C3orf52: variants seen among roughly 807,000 people sequenced by gnomAD.
C3orf52 encodes the protein chromosome 3 open reading frame 52, also known as TPA-induced transmembrane protein.
C3orf52 carries 22 observed loss-of-function variants against 24.8 expected under a neutral mutation model. The ratio of observed to expected loss-of-function variants is 0.89; its 90% CI spans 0.63 to 1.27. The LOEUF (loss-of-function observed/expected upper bound fraction) is 1.27, where lower values mean the gene tolerates loss of function less well. Among genes scored for constraint, C3orf52 ranks in the 50% most tolerant of loss-of-function variants. The pLI, the probability that C3orf52 is intolerant of heterozygous loss-of-function variation, is 0.00. For synonymous variants in C3orf52, 93 were observed against 100.2 expected, an observed-to-expected ratio of 0.93 and a Z score of 0.43; for missense variants, 265 against 260.7, an observed-to-expected ratio of 1.02 and a Z score of -0.11.
intron 1 of C3orf52, among the ~76,000 whole-genome samples, chr3:112,089,279 AC>A (rs1327399131): frequency 6.6e-6 from 1 of 152,190 alleles, no homozygotes; most frequent in Non-Finnish European, 1.5e-5. Flanking sequence ...TAATCCCAGC[AC>A]TTTGGGAGGC....
At chr3:112,116,573 T>A in intron 5 of C3orf52, 69 bp from the exon 6 acceptor site, 2 of 1,326,658 alleles carry the variant, frequency 1.5e-6, no homozygotes, top group Non-Finnish European at 2.0e-6. Flanking sequence ...TGAAATGAAA[T>A]GAAAACGTAA....
chr3:112,087,726 T>C (rs916783193), intron 1 of C3orf52, among the ~76,000 whole-genome samples: 2 of 152,206 alleles, frequency 1.3e-5, no homozygotes, highest in African/African-American at 4.8e-5. Context: ...TGGTCACCAG[T>C]GCAAGTGGCC....
At position 112,116,960 on chromosome 3, in the gene C3orf52, G is replaced by A. The variant is rs753836991; in HGVS notation, c.*314G>A. ...ATTCTGTTTGTTTTTGTTTTGTTTC[G>A]TTTTGTTTTTTGAGACAGGGTCTCG... On this transcript the variant is annotated 3_prime_UTR_variant, in exon 6 of 6. Coordinates refer to ENST00000264848, the MANE Select transcript of C3orf52 (RefSeq NM_024616.3). 92 of 1,526,062 alleles carry A rather than the reference G, an allele frequency of 6.0e-5. No homozygotes were observed. In the Middle Eastern group the frequency reaches 7.2e-4, roughly 12 times the overall value. The allele number at this position is 1,526,062 out of a possible 1,614,324, so 94.5% of individuals were successfully genotyped here.
intron 4 of C3orf52, among the ~76,000 whole-genome samples, chr3:112,111,040 G>A (rs1209239429): frequency 6.6e-6 from 1 of 152,108 alleles, no homozygotes; most frequent in Admixed American, 6.5e-5. Flanking sequence ...GAAACCCCAT[G>A]TCTACTAAAA....
At chr3:112,116,136 A>G (rs1446882390) in intron 5 of C3orf52, among the ~76,000 whole-genome samples, 1 of 152,126 alleles carries the variant, frequency 6.6e-6, no homozygotes, top group Non-Finnish European at 1.5e-5. Context: ...AGAATAGTGA[A>G]TCTTGTCAGT....
rs1312077479 is a variant in C3orf52 at position 112,086,455 on chromosome 3, G to C, written c.48G>C (p.Ser16=). 2 of 1,551,440 alleles carry C rather than the reference G, an allele frequency of 1.3e-6. No individual in the cohort carries two copies. Among genetic ancestry groups the C allele is most frequent in the South Asian group, 2.4e-5 (2 of 84,028 alleles). ...PSQPVDELEL[S]VLERQPEENT... ...AGCCAGTAGACGAGCTGGAGCTCTC[G>C]GTGCTCGAGCGGCAGCCAGAAGAGA... Residue 16 remains serine, a synonymous_variant, in exon 1 of 6, where the codon TCG becomes TCC. Coordinates refer to ENST00000264848, the MANE Select transcript of C3orf52 (RefSeq NM_024616.3).
At chr3:112,087,042 A>G (rs1014024592) in intron 1 of C3orf52, among the ~76,000 whole-genome samples, 7 of 151,680 alleles carry the variant, frequency 4.6e-5, no homozygotes, top group Admixed American at 3.3e-4. Flanking sequence ...ACCATCCGCC[A>G]AGCACTTTCT....
intron 5 of C3orf52, among the ~76,000 whole-genome samples, chr3:112,115,111 A>G (rs925752828): frequency 1.3e-5 from 2 of 152,206 alleles, no homozygotes; most frequent in African/African-American, 4.8e-5. Context: ...CTGACGGGAC[A>G]TGCTGAGAAA....
chr3:112,099,762 A>C (rs531752717), intron 2 of C3orf52, among the ~76,000 whole-genome samples: 1 of 151,946 alleles, frequency 6.6e-6, no homozygotes, highest in East Asian at 1.9e-4. Flanking sequence ...AACCTTTTTG[A>C]TTTCTTCTTT....
intron 1 of C3orf52, among the ~76,000 whole-genome samples, chr3:112,090,779 A>T (rs1026132259): frequency 1.3e-5 from 2 of 152,224 alleles, no homozygotes; most frequent in African/African-American, 4.8e-5. Flanking sequence ...TCTATGGCTC[A>T]TTTGAAACTA....
chr3:112,113,072 A>G lies in C3orf52; in HGVS notation c.576A>G (p.Leu192=), dbSNP rs752466909. The G allele has an allele frequency of 9.9e-6, 16 of 1,611,034 alleles. No homozygotes were observed. Among genetic ancestry groups the G allele is most frequent in the African/African-American group, 1.3e-5 (1 of 74,976 alleles). Residue 192 remains leucine (L), a synonymous_variant, in exon 5 of 6, where the codon CTA becomes CTG. Transcript: ENST00000264848. The stretch of plus-strand genomic sequence containing the variant: ...AGGAGTTGGTGCTGGGCATTTTGCT[A>G]CAGGATTTCCGTGATCAGAATATAC... ...MSEELVLGIL[L]QDFRDQNIPG... is the part of the protein sequence containing the mutation.
At chr3:112,093,097 G>C (rs1417174155) in intron 1 of C3orf52, among the ~76,000 whole-genome samples, 1 of 152,104 alleles carries the variant, frequency 6.6e-6, no homozygotes, top group East Asian at 1.9e-4. Context: ...TCTTTCCTGG[G>C]TTTGGAATGC....
At chr3:112,122,632 T>A (rs1172421326), downstream of C3orf52, 1 of 152,180 alleles carries the variant, frequency 6.6e-6, no homozygotes, top group African/African-American at 2.4e-5. Flanking sequence ...GCTTTCTATT[T>A]AGCATACTGG....
chr3:112,086,603 G>T lies in C3orf52; in HGVS notation c.138+58G>T, dbSNP rs1193159475. 10 of 1,511,222 alleles carry T rather than the reference G, an allele frequency of 6.6e-6. No homozygotes were observed. The East Asian group carries it at 2.5e-4, about 38-fold the overall frequency. The allele number at this position is 1,511,222 out of a possible 1,614,324, so 93.6% of individuals were successfully genotyped here. ...CGGCGGCGGGACAGTAGTAGGACCC[G>T]GGCCTGGCACCCGCGAGTTTCGGGT... On this transcript the variant is annotated intron_variant, in intron 1 of 5. Transcript: ENST00000264848.
Position 112,123,475 on chromosome 3 carries a change from T to G in C3orf52, c.*46+3913T>G, listed in dbSNP as rs368320747. On this transcript the variant is annotated intron_variant, in intron 4 of 4. Transcript: ENST00000480282. Reference sequence around the variant, plus strand: ...CTTCACTATAAATGGGAAAACTGAGTCTCAGAAGGGGCCATAAGTGGACGT... The same window carrying G: ...CTTCACTATAAATGGGAAAACTGAGGCTCAGAAGGGGCCATAAGTGGACGT... 3.7e-6 allele frequency: 6 copies of G among 1,613,768 alleles called. No homozygotes were observed. In the African/African-American group the frequency reaches 6.7e-5, roughly 18 times the overall value.
chr3:112,110,553 G>T (rs1433770339), intron 4 of C3orf52, among the ~76,000 whole-genome samples: 1 of 152,076 alleles, frequency 6.6e-6, no homozygotes, highest in African/African-American at 2.4e-5. Context: ...ACACCCATAT[G>T]TATTTTTTAT....
chr3:112,123,502 G>A (rs1386549490), intron 4 of C3orf52: 2 of 1,614,158 alleles, frequency 1.2e-6, no homozygotes. Context: ...AGTGGACGTG[G>A]CTGTTGCAGA....
chr3:112,110,941 T>G (rs1467226623), intron 4 of C3orf52, among the ~76,000 whole-genome samples: 1 of 152,210 alleles, frequency 6.6e-6, no homozygotes, highest in Non-Finnish European at 1.5e-5. Flanking sequence ...CTGGGCATGG[T>G]GGCTTACACC....
Position 112,117,197 on chromosome 3 carries a change from C to T in C3orf52, c.*551C>T, listed in dbSNP as rs145610606. The T allele has an allele frequency of 1.5e-5, 8 of 538,050 alleles. No homozygotes were observed. The highest frequency in any genetic ancestry group is 2.9e-5 in the East Asian group (1 of 34,922). The allele number at this position is 538,050 out of a possible 1,614,324, so 33.3% of individuals were successfully genotyped here. A position where few individuals can be genotyped will look rare whatever the true frequency, so the allele number is the denominator to read the frequency against. ...TTCACTGAAGTCATCCTCCTCCCCCCCACCATTCGATTTGATCTACCTCTA... is the reference window on the plus strand; with the variant it reads ...TTCACTGAAGTCATCCTCCTCCCCCTCACCATTCGATTTGATCTACCTCTA... On this transcript the variant is annotated 3_prime_UTR_variant, in exon 6 of 6. Transcript: ENST00000264848.
Sources: allele counts gnomAD v4.1 joint callset (sites outside exome capture counted in the v4.1 genomes callset), GRCh38; gene constraint gnomAD v4.1.1; transcripts MANE v1.5; gene names NCBI Gene and HGNC (gene_info 2026-07-23, HGNC 2026-07-21).